The following DBH variants were observed in gnomAD, a reference collection of about 807,000 sequenced individuals.
DBH encodes the protein dopamine beta-hydroxylase (dopamine beta-monooxygenase).
DBH carries 49 observed loss-of-function variants against 64.0 expected under a neutral mutation model. The ratio of observed to expected loss-of-function variants is 0.77; its 90% CI spans 0.61 to 0.97. DBH has a LOEUF of 0.97. Among genes scored for constraint, DBH ranks in the 50% least tolerant of loss-of-function variants. The pLI, the probability that DBH is intolerant of heterozygous loss-of-function variation, is 0.00. For missense variants in DBH, 828 were observed against 826.6 expected (o/e 1.00, Z -0.02); for synonymous variants, 343 against 347.1 (o/e 0.99, Z 0.13).
chr9:133,652,392 G>A (rs1190452091), intron 8 of DBH, 108 bp downstream of exon 8: 1 of 1,377,582 alleles, frequency 7.3e-7, no homozygotes, highest in East Asian at 2.3e-5. Context: ...GATAGGGGGA[G>A]GGAGAGCCAT....
rs779727569 is a variant in DBH at position 133,657,110 on chromosome 9, G to A, written c.1603G>A (p.Val535Met). The change falls in exon 11 of 12, where the codon GTG (valine) becomes ATG (methionine). Residue 535 changes from valine (V) to methionine (M), a missense_variant. Physicochemically the swap from Val to Met is conservative, Grantham distance 21. Transcript: ENST00000393056. ...EDVCTCPQAS[V>M]SQQFTSVPWN... is the part of the protein sequence containing the mutation. The stretch of plus-strand genomic sequence containing the variant: ...TGTCTGCACCTGCCCTCAGGCGTCC[G>A]TGTCTCAGCAGTTCACCTCTGTTCC... 89 of 1,614,060 alleles carry A rather than the reference G, an allele frequency of 5.5e-5. No individual in the cohort carries two copies. Among genetic ancestry groups the A allele is most frequent in the African/African-American group, 1.7e-4 (13 of 75,052 alleles).
chr9:133,655,534 G>C (rs1832305655), intron 9 of DBH: 1 of 152,332 alleles, frequency 6.6e-6, no homozygotes, highest in Admixed American at 6.5e-5. Flanking sequence ...TCTCTGGGCA[G>C]AACTGTCCCA....
chr9:133,649,704 C>T (rs1236381797), intron 6 of DBH, among the ~76,000 whole-genome samples: 1 of 152,200 alleles, frequency 6.6e-6, no homozygotes, highest in African/African-American at 2.4e-5. Flanking sequence ...CCTAAAGCGC[C>T]CACTGGTGAA....
Position 133,636,486 on chromosome 9 carries a change from G to T in DBH, c.115G>T (p.Gly39Cys). 6.2e-7 allele frequency: 1 copy of T among 1,613,254 alleles called. No individual in the cohort carries two copies. The highest frequency in any genetic ancestry group is 8.5e-7 in the Non-Finnish European group (1 of 1,179,964). ...GGTCATCCTGGTGGCCGCACTGCAG[G>T]GCTCGGCTCCCCGTGAGAGCCCCCT... Reference protein sequence around the residue: ...FLVILVAALQGSAPRESPLPY... With the variant: ...FLVILVAALQCSAPRESPLPY... The change falls in exon 1 of 12, where the codon GGC (glycine) becomes TGC (cysteine). Residue 39 changes from glycine to cysteine, a missense_variant. Physicochemically the swap from Gly to Cys is radical, Grantham distance 159. Transcript: ENST00000393056.
intron 9 of DBH, chr9:133,654,716 A>C (rs1171239631): frequency 6.6e-6 from 1 of 152,242 alleles, no homozygotes; most frequent in Non-Finnish European, 1.5e-5. Flanking sequence ...CCTTGCTGAG[A>C]CCTCTGAGCA....
intron 6 of DBH, among the ~76,000 whole-genome samples, chr9:133,650,222 C>T (rs1206169386): frequency 6.6e-6 from 1 of 152,118 alleles, no homozygotes; most frequent in Admixed American, 6.5e-5. Flanking sequence ...GTCAGGGCGG[C>T]CGCTGCTTGG....
chr9:133,643,295 T>G lies in DBH; in HGVS notation c.745-118T>G, dbSNP rs1179385619. 2 of 1,085,180 alleles carry G rather than the reference T, an allele frequency of 1.8e-6. No homozygotes were observed. The highest frequency in any genetic ancestry group is 2.8e-6 in the Non-Finnish European group (2 of 725,006). 67.2% of individuals were successfully genotyped at this position (1,085,180 alleles called of 1,614,324 possible). On this transcript the variant is annotated intron_variant, in intron 3 of 11. Transcript: ENST00000393056. The surrounding 1 kb of genome is among the most constrained non-coding windows in gnomAD (Gnocchi z 5.3). ...GTGAACCCCAGAAGTGCCCCTGAAA[T>G]TGTCTGGATCATCCCTCCCATTTTA...
chr9:133,646,820 C>T (rs771633921), intron 5 of DBH, among the ~76,000 whole-genome samples: 39 of 152,170 alleles, frequency 2.6e-4, no homozygotes, highest in Middle Eastern at 3.2e-3. Context: ...CCACCGTGCC[C>T]GGCCCCCTGG....
intron 8 of DBH, 59 bp downstream of exon 8, chr9:133,652,343 G>T: frequency 1.9e-6 from 3 of 1,585,086 alleles, no homozygotes; most frequent in Non-Finnish European, 2.6e-6. Flanking sequence ...TGGCTGAGAG[G>T]GCTGGGGGTG....
intron 1 of DBH, among the ~76,000 whole-genome samples, chr9:133,637,190 C>A (rs1028827039): frequency 6.6e-6 from 1 of 152,216 alleles, no homozygotes; most frequent in Admixed American, 6.5e-5. Flanking sequence ...ACCTACTGTG[C>A]TTGTACCCGT....
intron 9 of DBH, 75 bp downstream of exon 9, chr9:133,653,074 G>C: frequency 8.6e-7 from 1 of 1,157,458 alleles, no homozygotes; most frequent in East Asian, 2.4e-5. Flanking sequence ...AAGGATGACA[G>C]GTCTTGACTC....
intron 5 of DBH, among the ~76,000 whole-genome samples, chr9:133,647,055 C>T (rs1832190113): frequency 6.6e-6 from 1 of 152,182 alleles, no homozygotes. Context: ...GAGCACACAG[C>T]ACGCTGTTGA....
intron 5 of DBH, among the ~76,000 whole-genome samples, chr9:133,647,265 C>T (rs1021739166): frequency 6.6e-6 from 1 of 152,168 alleles, no homozygotes; most frequent in African/African-American, 2.4e-5. Flanking sequence ...TCTTGTTAAC[C>T]TCAACACAGA....
At chr9:133,657,583 C>G (rs2131296715) in intron 11 of DBH, among the ~76,000 whole-genome samples, 1 of 152,204 alleles carries the variant, frequency 6.6e-6, no homozygotes, top group South Asian at 2.1e-4. Context: ...GGTGACACCT[C>G]CACACTGTAC....
In DBH at chr9:133,643,482, G is replaced by A. The variant is rs778715285; in HGVS notation, c.814G>A (p.Glu272Lys). 9.9e-6 allele frequency: 16 copies of A among 1,613,688 alleles called. No homozygotes were observed. In the African/African-American group the frequency reaches 1.2e-4, roughly 12 times the overall value. The change falls in exon 4 of 12, where the codon GAG becomes AAG. Residue 272 changes from glutamate to lysine, a missense_variant. By Grantham distance (56) the Glu-to-Lys change is moderately conservative (BLOSUM62 1). Transcript: ENST00000393056. The surrounding 1 kb of genome is among the most constrained non-coding windows in gnomAD (Gnocchi z 5.3). ...HHMEVFQCAP[E>K]MDSVPHFSGP... The stretch of plus-strand genomic sequence containing the variant: ...CATGGAAGTCTTCCAGTGCGCCCCC[G>A]AGATGGACAGCGTCCCCCACTTCAG...
chr9:133,640,364 C>A (rs1832103973), intron 2 of DBH, among the ~76,000 whole-genome samples: 1 of 152,166 alleles, frequency 6.6e-6, no homozygotes, highest in Non-Finnish European at 1.5e-5. Context: ...GGCGACCTGG[C>A]TTTCCATCCC....
In DBH at chr9:133,644,202, A is replaced by G; in HGVS notation, c.922-16A>G. 9 of 1,600,850 alleles carry G rather than the reference A, an allele frequency of 5.6e-6. No homozygotes were observed. The highest frequency in any genetic ancestry group is 1.3e-5 in the African/African-American group (1 of 74,662). Reference sequence around the variant, plus strand: ...CTCAGGACACACCCGTCTGTCTGACACCTTGCCCCACACAGGCATTTTACT... The same window carrying G: ...CTCAGGACACACCCGTCTGTCTGACGCCTTGCCCCACACAGGCATTTTACT... On this transcript the variant is annotated splice_polypyrimidine_tract_variant and intron_variant, in intron 4 of 11. Coordinates refer to ENST00000393056, the MANE Select transcript of DBH (RefSeq NM_000787.4).
At position 133,643,270 on chromosome 9, in the gene DBH, G is replaced by A. The variant is rs1392073883; in HGVS notation, c.745-143G>A. ...GGCTGATGGCTCCACCCTCAAGGCT[G>A]TGAACCCCAGAAGTGCCCCTGAAAT... On this transcript the variant is annotated intron_variant, in intron 3 of 11. Coordinates refer to ENST00000393056, the MANE Select transcript of DBH (RefSeq NM_000787.4). This position sits in a 1 kb window ranked among gnomAD's most constrained non-coding sequence, Gnocchi z 5.3. 9.4e-6 allele frequency: 8 copies of A among 848,420 alleles called. No homozygotes were observed. The highest frequency in any genetic ancestry group is 1.7e-5 in the African/African-American group (1 of 59,558). 52.6% of individuals were successfully genotyped at this position (848,420 alleles called of 1,614,324 possible). A position where few individuals can be genotyped will look rare whatever the true frequency, so the allele number is the denominator to read the frequency against.
chr9:133,647,124 C>T (rs1368960999), intron 5 of DBH, among the ~76,000 whole-genome samples: 2 of 152,192 alleles, frequency 1.3e-5, no homozygotes, highest in African/African-American at 4.8e-5. Flanking sequence ...TGGCCCTCCT[C>T]CTGGGGGGCC....
Sources: allele counts gnomAD v4.1 joint callset (sites outside exome capture counted in the v4.1 genomes callset), GRCh38; gene constraint gnomAD v4.1.1; non-coding constraint Gnocchi (gnomAD v3.1); transcripts MANE v1.5; gene names NCBI Gene and HGNC (gene_info 2026-07-23, HGNC 2026-07-21).